The following VRK1 variants were observed in gnomAD, a reference collection of about 807,000 sequenced individuals.
VRK1 encodes VRK serine/threonine kinase 1, also known as serine/threonine-protein kinase VRK1.
Under a neutral mutation model 57.1 loss-of-function variants are expected in VRK1, and 33 were observed. The observed-to-expected ratio is 0.58, with a 90% confidence interval of 0.44 to 0.77. The LOEUF is 0.77. VRK1 is among the 30% of genes least tolerant of loss of function. VRK1 has a pLI of 0.00. For missense variants in VRK1, 413 were observed against 477.3 expected (o/e 0.87, Z 1.25); for synonymous variants, 137 against 147.8 (o/e 0.93, Z 0.53).
chr14:96,835,622 A>G (rs117094021), intron 2 of VRK1, among the ~76,000 whole-genome samples: 2,084 of 152,298 alleles, frequency 0.014, 24 homozygotes, highest in Non-Finnish European at 0.022. Context: ...TTGTATCATC[A>G]TCATTTATCT....
intron 11 of VRK1, among the ~76,000 whole-genome samples, chr14:96,864,778 C>G (rs1262254865): frequency 6.6e-6 from 1 of 152,022 alleles, no homozygotes; most frequent in Non-Finnish European, 1.5e-5. Context: ...TTAATTTCTC[C>G]TATTTTGGTG....
At chr14:96,879,734 G>T (rs1057238927) in intron 12 of VRK1, among the ~76,000 whole-genome samples, 14 of 151,908 alleles carry the variant, frequency 9.2e-5, no homozygotes, top group African/African-American at 3.4e-4. Context: ...TTCGACACCA[G>T]CCTGACCAAC....
At chr14:96,848,947 A>T (rs1013550129) in intron 5 of VRK1, among the ~76,000 whole-genome samples, 1 of 152,208 alleles carries the variant, frequency 6.6e-6, no homozygotes, top group Non-Finnish European at 1.5e-5. Context: ...GTGGGAGATG[A>T]ACGTGAGCAC....
chr14:96,841,480 A>G (rs1309344740), intron 3 of VRK1, among the ~76,000 whole-genome samples: 1 of 152,150 alleles, frequency 6.6e-6, no homozygotes. Flanking sequence ...TAGGACAGTG[A>G]TACTCAGTTG....
intron 1 of VRK1, among the ~76,000 whole-genome samples, chr14:96,827,682 A>G (rs75022269): frequency 0.083 from 12,651 of 152,008 alleles, 689 homozygotes; most frequent in Non-Finnish European, 0.13. Context: ...ATTCCTTCAA[A>G]TTGTCTTTTA....
chr14:96,855,476 G>T, intron 8 of VRK1, 120 bp downstream of exon 8: 1 of 1,484,970 alleles, frequency 6.7e-7, no homozygotes, highest in Non-Finnish European at 9.2e-7. Context: ...AGGCACAGTG[G>T]CATGAGGAAA....
At chr14:96,846,191 A>G in intron 4 of VRK1, 27 bp downstream of exon 4, 1 of 1,609,550 alleles carries the variant, frequency 6.2e-7, no homozygotes, top group Non-Finnish European at 8.5e-7. Context: ...ACATACGTTT[A>G]CACTTTTAAA....
In VRK1 at chr14:96,856,168, T is replaced by C. The variant is rs749505960; in HGVS notation, c.748T>C (p.Cys250Arg). 2 of 1,613,844 alleles carry C rather than the reference T, an allele frequency of 1.2e-6. No homozygotes were observed. Among genetic ancestry groups the C allele is most frequent in the South Asian group, 2.2e-5 (2 of 91,084 alleles). ...TGGTGATTTGGAAATACTTGGTTAT[T>C]GCATGATCCAATGGCTTACTGGCCA... ...RRGDLEILGY[C>R]MIQWLTGHLP... The change falls in exon 9 of 13, where the codon TGC becomes CGC. Residue 250 changes from cysteine to arginine, a missense_variant. Physicochemically the swap from Cys to Arg is radical, Grantham distance 180. Transcript: ENST00000216639.
At chr14:96,875,467 A>G (rs1213802255) in intron 11 of VRK1, among the ~76,000 whole-genome samples, 1 of 152,240 alleles carries the variant, frequency 6.6e-6, no homozygotes, top group African/African-American at 2.4e-5. Context: ...AACTTTTAAT[A>G]AAAAGTATGC....
intron 12 of VRK1, among the ~76,000 whole-genome samples, chr14:96,878,118 C>T (rs931939504): frequency 1.1e-4 from 16 of 152,018 alleles, no homozygotes; most frequent in Non-Finnish European, 2.2e-4. Context: ...TCACTTTTTT[C>T]CCCTAAAGTA....
chr14:96,859,416 T>C (rs544060311), intron 10 of VRK1, among the ~76,000 whole-genome samples: 1 of 152,346 alleles, frequency 6.6e-6, no homozygotes, highest in African/African-American at 2.4e-5. Flanking sequence ...TCTGTTATAC[T>C]GAAGGGATAT....
intron 1 of VRK1, among the ~76,000 whole-genome samples, chr14:96,803,156 A>G (rs922162333): frequency 4.7e-5 from 7 of 149,378 alleles, no homozygotes; most frequent in African/African-American, 1.7e-4. Flanking sequence ...GTGCAAGACT[A>G]GTGATGCTGG....
intron 1 of VRK1, among the ~76,000 whole-genome samples, chr14:96,829,206 A>T (rs1886913842): frequency 7.1e-6 from 1 of 141,628 alleles, no homozygotes; most frequent in Non-Finnish European, 1.5e-5. Context: ...TTTTCTTTTA[A>T]TTTTTTTTTT....
chr14:96,809,445 ATATACT>A (rs1378601282), intron 1 of VRK1, among the ~76,000 whole-genome samples: 2 of 152,150 alleles, frequency 1.3e-5, no homozygotes, highest in African/African-American at 4.8e-5. Context: ...TGCTATAATC[ATATACT>A]TATGTATATG....
intron 1 of VRK1, among the ~76,000 whole-genome samples, chr14:96,825,023 G>A (rs1886749351): frequency 6.6e-6 from 1 of 152,138 alleles, no homozygotes; most frequent in Admixed American, 6.5e-5. Flanking sequence ...ATCTAGTTGA[G>A]GGAGACATTG....
At chr14:96,798,483 C>T (rs919144098) in intron 1 of VRK1, among the ~76,000 whole-genome samples, 1 of 152,172 alleles carries the variant, frequency 6.6e-6, no homozygotes, top group African/African-American at 2.4e-5. Context: ...CTTGGAACAA[C>T]TTGGAAATAC....
chr14:96,854,559 G>A (rs149948482), intron 7 of VRK1, among the ~76,000 whole-genome samples: 1 of 152,220 alleles, frequency 6.6e-6, no homozygotes, highest in Admixed American at 6.5e-5. Flanking sequence ...ATGCTAATCA[G>A]ACCCACATGT....
chr14:96,860,484 C>A, intron 10 of VRK1, 73 bp from the exon 11 acceptor site: 2 of 1,417,140 alleles, frequency 1.4e-6, no homozygotes, highest in South Asian at 1.3e-5. Context: ...TTTACTATAA[C>A]CATGAATTAT....
chr14:96,814,688 A>ACATATTCAAG (rs1886326894), intron 1 of VRK1, among the ~76,000 whole-genome samples: 1 of 152,156 alleles, frequency 6.6e-6, no homozygotes, highest in African/African-American at 2.4e-5. Context: ...GTGCAGTCAT[A>ACATATTCAAG]CATATTCAAG....
Sources: gnomAD v4.1 joint callset for allele counts (sites outside exome capture counted in the v4.1 genomes callset) on GRCh38, gnomAD v4.1.1 for gene constraint, MANE v1.5 for transcripts, NCBI Gene and HGNC (gene_info 2026-07-23, HGNC 2026-07-21) for gene names.